The following LAMA2 variants were observed in gnomAD, a reference collection of about 807,000 sequenced individuals.
The protein encoded by LAMA2 is laminin subunit alpha 2, also known as laminin subunit alpha-2.
LAMA2 carries 269 observed loss-of-function variants against 364.8 expected under a neutral mutation model. That is an observed-to-expected ratio of 0.74 (90% CI 0.67 to 0.82). The LOEUF is 0.82. Ranked by LOEUF, LAMA2 falls within the 40% of genes least tolerant of loss-of-function variation. LAMA2 has a pLI of 0.00. For synonymous variants in LAMA2, 1,379 were observed against 1,370.6 expected, an observed-to-expected ratio of 1.01 and a Z score of -0.14; for missense variants, 3,807 against 3,873.2, an observed-to-expected ratio of 0.98 and a Z score of 0.45.
At chr6:128,961,757 A>C (rs1262255890) in intron 1 of LAMA2, among the ~76,000 whole-genome samples, 1 of 151,956 alleles carries the variant, frequency 6.6e-6, no homozygotes. Flanking sequence ...CCCACGATCA[A>C]TACTTTGTAT....
intron 15 of LAMA2, among the ~76,000 whole-genome samples, chr6:129,265,642 G>T (rs903306467): frequency 1.3e-5 from 2 of 151,766 alleles, no homozygotes; most frequent in African/African-American, 4.8e-5. Flanking sequence ...GACAATTTTG[G>T]GTTGGTTGTG....
At chr6:129,088,906 C>A (rs944978639) in intron 3 of LAMA2, among the ~76,000 whole-genome samples, 1 of 151,774 alleles carries the variant, frequency 6.6e-6, no homozygotes, top group South Asian at 2.1e-4. Flanking sequence ...ACTTCCCAGA[C>A]GGGGTGGCGG....
intron 41 of LAMA2, 103 bp downstream of exon 41, chr6:129,427,957 T>C: frequency 1.2e-6 from 1 of 800,182 alleles, no homozygotes; most frequent in Non-Finnish European, 2.1e-6. Flanking sequence ...AGCATGATTT[T>C]TGTGATGATT....
intron 12 of LAMA2, among the ~76,000 whole-genome samples, chr6:129,248,860 C>G (rs1785961841): frequency 6.6e-6 from 1 of 152,092 alleles, no homozygotes; most frequent in African/African-American, 2.4e-5. Flanking sequence ...TAGGTTCACC[C>G]CTCATTACTC....
At chr6:129,447,610 T>C (rs185624850) in intron 45 of LAMA2, among the ~76,000 whole-genome samples, 6 of 152,312 alleles carry the variant, frequency 3.9e-5, no homozygotes, top group Middle Eastern at 3.4e-3. Flanking sequence ...TAAGCCTCAC[T>C]GGTTAGGATA....
chr6:129,119,523 T>C (rs536339179), intron 4 of LAMA2, among the ~76,000 whole-genome samples: 202 of 151,496 alleles, frequency 1.3e-3, no homozygotes, highest in Non-Finnish European at 2.7e-3. Flanking sequence ...TACATTTTAT[T>C]TTATTTTTTA....
rs143403539 is a variant in LAMA2, at chr6:129,436,401, C to T, written c.5969-2245C>T. 3.8e-4 allele frequency among the ~76,000 whole-genome samples: 58 copies of T among 152,282 alleles called. 1 individual carries two copies. In the East Asian group the frequency reaches 0.01, roughly 27 times the overall value. Reference sequence around the variant, plus strand: ...GGTTTATTTCACATCCATATCCGCTCATCTACTTCTTTTTATAGATTGCAC... The same window carrying T: ...GGTTTATTTCACATCCATATCCGCTTATCTACTTCTTTTTATAGATTGCAC... On this transcript the variant is annotated intron_variant, in intron 41 of 64. Transcript: ENST00000421865.
chr6:129,066,308 G>A lies in LAMA2; in HGVS notation c.396+6412G>A, dbSNP rs548482084. 1.8e-4 allele frequency among the ~76,000 whole-genome samples: 28 copies of A among 151,874 alleles called. No individual in the cohort carries two copies. In the South Asian group the frequency reaches 4.0e-3, roughly 21 times the overall value. Reference sequence around the variant, plus strand: ...GATCCGCCCGCCTCGGCCTCCCAAAGTGCTGGGATTACAGGCGTGAGCCAC... The same window carrying A: ...GATCCGCCCGCCTCGGCCTCCCAAAATGCTGGGATTACAGGCGTGAGCCAC... On this transcript the variant is annotated intron_variant, in intron 3 of 64. Transcript: ENST00000421865.
At chr6:129,432,174 G>A (rs1158804094) in intron 41 of LAMA2, among the ~76,000 whole-genome samples, 1 of 152,122 alleles carries the variant, frequency 6.6e-6, no homozygotes, top group Non-Finnish European at 1.5e-5. Flanking sequence ...GCCTACTGTG[G>A]TCTGGAGAAC....
chr6:129,241,525 C>T (rs1003961363), intron 12 of LAMA2, among the ~76,000 whole-genome samples: 10 of 152,090 alleles, frequency 6.6e-5, no homozygotes, highest in Non-Finnish European at 1.2e-4. Flanking sequence ...GAGCAAACTT[C>T]GGAGGTAGGT....
At chr6:129,199,744 G>A (rs1782067852) in intron 12 of LAMA2, among the ~76,000 whole-genome samples, 1 of 152,006 alleles carries the variant, frequency 6.6e-6, no homozygotes, top group African/African-American at 2.4e-5. Flanking sequence ...TAGTACCAAG[G>A]ATTAAATTTG....
intron 40 of LAMA2, among the ~76,000 whole-genome samples, chr6:129,419,692 G>A (rs1487143656): frequency 5.9e-5 from 9 of 152,086 alleles, no homozygotes; most frequent in Non-Finnish European, 1.3e-4. Context: ...ATTATCATGA[G>A]CAATTTGGGG....
At chr6:128,971,745 T>C (rs1303028373) in intron 1 of LAMA2, among the ~76,000 whole-genome samples, 1 of 152,132 alleles carries the variant, frequency 6.6e-6, no homozygotes, top group African/African-American at 2.4e-5. Flanking sequence ...ATACATGGCA[T>C]GGTCTGGAGG....
At chr6:129,052,129 C>A (rs1582946961) in intron 2 of LAMA2, among the ~76,000 whole-genome samples, 1 of 142,980 alleles carries the variant, frequency 7.0e-6, no homozygotes, top group Non-Finnish European at 1.5e-5. Context: ...CTTAGTATTT[C>A]TTCTCCTTTT....
intron 31 of LAMA2, 79 bp downstream of exon 31, chr6:129,349,463 T>C: frequency 8.8e-7 from 1 of 1,139,038 alleles, no homozygotes; most frequent in South Asian, 1.2e-5. Context: ...AAAACATTCA[T>C]TATTTGAAGA....
At chr6:129,481,650 T>C (rs886273208) in intron 55 of LAMA2, among the ~76,000 whole-genome samples, 1 of 152,170 alleles carries the variant, frequency 6.6e-6, no homozygotes, top group Non-Finnish European at 1.5e-5. Flanking sequence ...TGTTGATCAA[T>C]TGTAGGTGCA....
intron 4 of LAMA2, among the ~76,000 whole-genome samples, chr6:129,124,436 A>G (rs554936292): frequency 6.6e-6 from 1 of 152,298 alleles, no homozygotes; most frequent in East Asian, 1.9e-4. Flanking sequence ...TGAACCCATT[A>G]AGCTGAGGGT....
Position 129,259,092 on chromosome 6 carries a change from C to T in LAMA2, c.2097-1619C>T, listed in dbSNP as rs1008228751. Among the ~76,000 whole-genome samples the T allele has an allele frequency of 2.6e-5, 4 of 152,074 alleles. No homozygotes were observed. The East Asian group carries it at 7.7e-4, about 29-fold the overall frequency. ...CAGGGTTAATTTCCTTTTCTGCTTC[C>T]TGATCATATATGAGCTCATACATAT... On this transcript the variant is annotated intron_variant, in intron 14 of 64. Coordinates refer to ENST00000421865, the MANE Select transcript of LAMA2 (RefSeq NM_000426.4).
intron 45 of LAMA2, among the ~76,000 whole-genome samples, chr6:129,451,085 C>A (rs577030477): frequency 6.6e-6 from 1 of 152,208 alleles, no homozygotes; most frequent in African/African-American, 2.4e-5. Flanking sequence ...ATCTCTAATC[C>A]CTTGGATGAC....
Sources: allele counts gnomAD v4.1 joint callset (sites outside exome capture counted in the v4.1 genomes callset), GRCh38; gene constraint gnomAD v4.1.1; transcripts MANE v1.5; gene names NCBI Gene and HGNC (gene_info 2026-07-23, HGNC 2026-07-21).